HACD4: variants seen among roughly 807,000 people sequenced by gnomAD.
HACD4 encodes very-long-chain (3R)-3-hydroxyacyl-CoA dehydratase 4.
Under a neutral mutation model 33.3 loss-of-function variants are expected in HACD4, and 35 were observed. That is an observed-to-expected ratio of 1.05 (90% CI 0.80 to 1.39). The LOEUF is 1.39. Ranked by LOEUF, HACD4 falls within the 40% of genes most tolerant of loss-of-function variation. The probability of loss-of-function intolerance (pLI) is 0.00; values close to 1 mark genes in which losing one functional copy is unlikely to be tolerated. For synonymous variants in HACD4, 118 were observed against 98.0 expected (o/e 1.20, Z -1.21); for missense variants, 323 against 276.5 (o/e 1.17, Z -1.19).
chr9:21,025,076 T>C (rs1338455680), intron 3 of HACD4, among the ~76,000 whole-genome samples: 1 of 152,200 alleles, frequency 6.6e-6, no homozygotes, highest in Non-Finnish European at 1.5e-5. Flanking sequence ...TCCCCGTTTA[T>C]TTTGTAAGGA....
intron 2 of HACD4, among the ~76,000 whole-genome samples, chr9:21,027,778 A>T: frequency 6.6e-6 from 1 of 152,332 alleles, no homozygotes; most frequent in African/African-American, 2.4e-5. Context: ...CTCCTGAACG[A>T]ATCGGTTGTG....
At chr9:21,031,292 C>G (rs1818210784) in intron 1 of HACD4, 1 of 237,556 alleles carries the variant, frequency 4.2e-6, no homozygotes, top group Non-Finnish European at 6.8e-6. Context: ...AGAGGGCTCA[C>G]AAGGGCAGGG....
intron 3 of HACD4, among the ~76,000 whole-genome samples, chr9:21,016,387 G>A (rs1009459809): frequency 6.6e-6 from 1 of 152,180 alleles, no homozygotes; most frequent in Admixed American, 6.6e-5. Context: ...AGTGGTGGGA[G>A]AACTGAACAA....
intron 4 of HACD4, among the ~76,000 whole-genome samples, chr9:21,012,235 T>G (rs1398654558): frequency 6.6e-6 from 1 of 152,234 alleles, no homozygotes; most frequent in Non-Finnish European, 1.5e-5. Context: ...TACGTTGTGT[T>G]TTATTTCTTT....
rs958466921 is a variant in HACD4 at position 20,999,924 on chromosome 9, A to G, written c.*7113T>C. On this transcript the variant is annotated 3_prime_UTR_variant, in exon 7 of 7. Coordinates refer to ENST00000495827, the MANE Select transcript of HACD4 (RefSeq NM_001010915.5). ...GTCCTACTTCTGCAAAGCCCTTTAT[A>G]ATTTGCAAAAGTTTAATTTACCATA... The G allele has an allele frequency of 1.3e-5, 2 of 151,826 alleles. No homozygotes were observed. The highest frequency in any genetic ancestry group is 1.3e-4 in the Admixed American group (2 of 15,258). 9.4% of individuals were successfully genotyped at this position (151,826 alleles called of 1,614,324 possible).
chr9:21,018,812 C>A (rs74968448), intron 3 of HACD4, among the ~76,000 whole-genome samples: 45,954 of 151,774 alleles, frequency 0.3, 7,160 homozygotes, highest in East Asian at 0.51. Context: ...AAATGCTGGG[C>A]ATTTTTATGT....
chr9:21,028,521 C>A (rs933405466), intron 2 of HACD4, among the ~76,000 whole-genome samples: 2 of 152,170 alleles, frequency 1.3e-5, no homozygotes, highest in Admixed American at 6.5e-5. Flanking sequence ...AGTAGAATAA[C>A]TTCCTTATGA....
Position 20,999,679 on chromosome 9 carries a change from T to A in HACD4, c.*7358A>T, listed in dbSNP as rs1415604188. ...GATACAATTGAAATTCATTACCTAATTAAGCCGATAGATTTCTTGAAATAT... is the reference window on the plus strand; with the variant it reads ...GATACAATTGAAATTCATTACCTAAATAAGCCGATAGATTTCTTGAAATAT... On this transcript the variant is annotated 3_prime_UTR_variant, in exon 7 of 7. Coordinates refer to ENST00000495827, the MANE Select transcript of HACD4 (RefSeq NM_001010915.5). 1.3e-5 allele frequency: 2 copies of A among 152,200 alleles called. No individual in the cohort carries two copies. Among genetic ancestry groups the A allele is most frequent in the African/African-American group, 2.4e-5 (1 of 41,470 alleles). 9.4% of individuals were successfully genotyped at this position (152,200 alleles called of 1,614,324 possible).
At chr9:21,019,616 C>T (rs1406173530) in intron 3 of HACD4, among the ~76,000 whole-genome samples, 1 of 152,004 alleles carries the variant, frequency 6.6e-6, no homozygotes. Context: ...AAAATTCAAT[C>T]TCAACATCTG....
intron 2 of HACD4, 56 bp from the exon 3 acceptor site, chr9:21,026,779 C>A (rs1460403024): frequency 1.6e-5 from 22 of 1,407,322 alleles, no homozygotes; most frequent in Non-Finnish European, 2.2e-5. Flanking sequence ...GATTATAACC[C>A]AAATTTATGC....
At chr9:21,030,582 AG>A (rs1166302426) in intron 1 of HACD4, among the ~76,000 whole-genome samples, 14 of 152,212 alleles carry the variant, frequency 9.2e-5, no homozygotes, top group Admixed American at 8.5e-4. Context: ...TTAGTTCTGA[AG>A]GGGGGTAGGG....
chr9:21,025,465 T>C (rs990414830), intron 3 of HACD4, among the ~76,000 whole-genome samples: 3 of 152,216 alleles, frequency 2.0e-5, no homozygotes, highest in Non-Finnish European at 4.4e-5. Context: ...ACATTTTCAT[T>C]ATTTTTACAA....
At position 21,026,726 on chromosome 9, in the gene HACD4, G is replaced by A; in HGVS notation, c.143-3C>T. 1.9e-6 allele frequency: 3 copies of A among 1,611,190 alleles called. No individual in the cohort carries two copies. The South Asian group carries it at 3.3e-5, about 18-fold the overall frequency. On this transcript the variant is annotated splice_region_variant and splice_polypyrimidine_tract_variant and intron_variant, in intron 2 of 6. Coordinates refer to ENST00000495827, the MANE Select transcript of HACD4 (RefSeq NM_001010915.5). ...ATAAAAAGTGTCAACCATTGAATCTGTATCCCGTGGGTTAAAAATGCAGAT... is the reference window on the plus strand; with the variant it reads ...ATAAAAAGTGTCAACCATTGAATCTATATCCCGTGGGTTAAAAATGCAGAT...
At position 21,003,953 on chromosome 9, in the gene HACD4, AAG is replaced by A. The variant is rs1182770004; in HGVS notation, c.*3082_*3083del. ...GTGTGTCATTATTTTTAAAATTAAA[AAG>A]AATACAGAATGGGGCATCATTTGTG... On this transcript the variant is annotated 3_prime_UTR_variant, in exon 7 of 7. Coordinates refer to ENST00000495827, the MANE Select transcript of HACD4 (RefSeq NM_001010915.5). 6.6e-6 allele frequency: 1 copy of A among 152,170 alleles called. No homozygotes were observed. The highest frequency in any genetic ancestry group is 1.5e-5 in the Non-Finnish European group (1 of 68,030). The allele number at this position is 152,170 out of a possible 1,614,324, so 9.4% of individuals were successfully genotyped here. A position where few individuals can be genotyped will look rare whatever the true frequency, so the allele number is the denominator to read the frequency against.
intron 2 of HACD4, among the ~76,000 whole-genome samples, chr9:21,028,089 C>T (rs1818108889): frequency 7.3e-6 from 1 of 136,274 alleles, no homozygotes; most frequent in African/African-American, 2.8e-5. Context: ...GAGGTGACAT[C>T]GTACCATTGC....
At chr9:21,026,948 G>A (rs1158756003) in intron 2 of HACD4, among the ~76,000 whole-genome samples, 2 of 152,178 alleles carry the variant, frequency 1.3e-5, no homozygotes, top group East Asian at 1.9e-4. Flanking sequence ...AAAAGAAATC[G>A]AAACTTGAGA....
At chr9:21,029,635 C>T (rs372725306) in intron 1 of HACD4, among the ~76,000 whole-genome samples, 1 of 152,188 alleles carries the variant, frequency 6.6e-6, no homozygotes, top group African/African-American at 2.4e-5. Flanking sequence ...CGTCCTGGTA[C>T]ACCCCATCAG....
intron 3 of HACD4, among the ~76,000 whole-genome samples, chr9:21,020,462 C>A (rs1193985740): frequency 3.9e-5 from 6 of 152,088 alleles, no homozygotes; most frequent in Non-Finnish European, 7.4e-5. Context: ...GGCTTCTGTA[C>A]AAGCAAACTG....
rs1842388109 is a variant in HACD4, at chr9:21,010,461, C to CA, written c.490+1127_490+1128insT. On this transcript the variant is annotated intron_variant, in intron 5 of 6. Coordinates refer to ENST00000495827, the MANE Select transcript of HACD4 (RefSeq NM_001010915.5). The stretch of plus-strand genomic sequence containing the variant: ...ACAGACTCAGACATCCTGGTACCCC[C>CA]CCCCCCCCCAGAGCTTACAGTCTAG... Among the ~76,000 whole-genome samples, 8 of 125,648 alleles carry CA rather than the reference C, an allele frequency of 6.4e-5. 2 individuals carry two copies. The highest frequency in any genetic ancestry group is 2.6e-4 in the African/African-American group (8 of 31,274). The allele number at this position is 125,648 out of a possible 152,430, so 82.4% of individuals were successfully genotyped here.
Sources: allele counts gnomAD v4.1 joint callset (sites outside exome capture counted in the v4.1 genomes callset), GRCh38; gene constraint gnomAD v4.1.1; transcripts MANE v1.5; gene names NCBI Gene and HGNC (gene_info 2026-07-23, HGNC 2026-07-21).